Variants in TIGD1 observed in about 807,000 individuals in gnomAD.
TIGD1 encodes tigger transposable element derived 1.
A neutral mutation model predicts 21.3 loss-of-function variants in TIGD1; 20 were observed. The observed-to-expected ratio is 0.94, with a 90% CI of 0.66 to 1.36. The LOEUF is 1.36. TIGD1 is among the 40% of genes most tolerant of loss of function. TIGD1 has a pLI of 0.00. For missense variants in TIGD1, 556 were observed against 350.5 expected (o/e 1.59, Z -4.68); for synonymous variants, 177 against 123.2 (o/e 1.44, Z -2.89).
chr2:232,549,368 A>G lies in TIGD1; in HGVS notation c.515T>C (p.Ile172Thr), dbSNP rs1409714384. 1 of 642,628 alleles carries G rather than the reference A, an allele frequency of 1.6e-6. No individual in the cohort carries two copies. The highest frequency in any genetic ancestry group is 2.8e-6 in the Non-Finnish European group (1 of 359,226). 39.8% of individuals were successfully genotyped at this position (642,628 alleles called of 1,614,324 possible). A position where few individuals can be genotyped will look rare whatever the true frequency, so the allele number is the denominator to read the frequency against. Residue 172 changes from isoleucine (I) to threonine (T), a missense_variant, in exon 1 of 1, where the codon ATC (isoleucine) becomes ACC (threonine). By Grantham distance (89) the Ile-to-Thr change is moderately conservative. Coordinates refer to ENST00000408957, the MANE Select transcript of TIGD1 (RefSeq NM_145702.4). Reference sequence around the variant, plus strand: ...TTTAGTGTAGCCACCTTCGTCAATGATCTTAGCTAAAGCTTCTGGATAACT... The same window carrying G: ...TTTAGTGTAGCCACCTTCGTCAATGGTCTTAGCTAAAGCTTCTGGATAACT... ...AASYPEALAK[I>T]IDEGGYTKQQ... is the part of the protein sequence containing the mutation.
rs750854483 is a variant in TIGD1 at position 232,544,552 on chromosome 2, G to C, written c.*3555C>G. On this transcript the variant is annotated 3_prime_UTR_variant, in exon 1 of 1. Coordinates refer to ENST00000408957, the MANE Select transcript of TIGD1 (RefSeq NM_145702.4). ...TCTTCCAGCAGTGGCAGCGGCAAGG[G>C]CTGGTGGCGGCAGCGCTGGAGAAGC... is the stretch of plus-strand genomic sequence containing the variant. The C allele has an allele frequency of 1.2e-6, 2 of 1,613,656 alleles. No homozygotes were observed. Among genetic ancestry groups the C allele is most frequent in the Non-Finnish European group, 1.7e-6 (2 of 1,179,948 alleles).
chr2:232,547,270 T>C lies in TIGD1; in HGVS notation c.*837A>G, dbSNP rs576700721. On this transcript the variant is annotated 3_prime_UTR_variant, in exon 1 of 1. Coordinates refer to ENST00000408957, the MANE Select transcript of TIGD1 (RefSeq NM_145702.4). ...GGCCTCTACCAAAAAATACAAAACT[T>C]AGCTGGGCGTGGTGATGCATGCCTG... Among the ~76,000 whole-genome samples, 1 of 151,868 alleles carries C rather than the reference T, an allele frequency of 6.6e-6. No homozygotes were observed. Among genetic ancestry groups the C allele is most frequent in the East Asian group, 2.0e-4 (1 of 5,128 alleles).
Position 232,548,131 on chromosome 2 carries a change from T to C in TIGD1, c.1752A>G (p.Val584=), listed in dbSNP as rs1692163530. Residue 584 remains valine, a synonymous_variant, in exon 1 of 1, where the codon GTA becomes GTG. Coordinates refer to ENST00000408957, the MANE Select transcript of TIGD1 (RefSeq NM_145702.4). ...SRQDPPPAKR[V]RLTEGSD ...ATCAATCTGAGCCTTCGGTGAGTCG[T>C]ACTCTTTTTGCTGGTGGAGGGTCTT... 4 of 924,522 alleles carry C rather than the reference T, an allele frequency of 4.3e-6. No homozygotes were observed. The highest frequency in any genetic ancestry group is 6.4e-6 in the Non-Finnish European group (4 of 627,044). 57.3% of individuals were successfully genotyped at this position (924,522 alleles called of 1,614,324 possible).
At position 232,544,495 on chromosome 2, in the gene TIGD1, G is replaced by A; in HGVS notation, c.*3612C>T. 1 of 1,613,858 alleles carries A rather than the reference G, an allele frequency of 6.2e-7. No homozygotes were observed. The stretch of plus-strand genomic sequence containing the variant: ...GATGGTCGATCACAACTGGGGAGGA[G>A]GTGGCCCTCTGCCTGCCTCGCAGTG... On this transcript the variant is annotated 3_prime_UTR_variant, in exon 1 of 1. Coordinates refer to ENST00000408957, the MANE Select transcript of TIGD1 (RefSeq NM_145702.4).
rs1443873507 is a variant in TIGD1 at position 232,550,248 on chromosome 2, G to A, written c.-366C>T. ...CAAACCCTCCATTTGTTTTCAGAAT[G>A]CCCTATCTGCGAAGCGTAATAAAAC... is the stretch of plus-strand genomic sequence containing the variant. On this transcript the variant is annotated 5_prime_UTR_variant, in exon 1 of 1. Coordinates refer to ENST00000408957, the MANE Select transcript of TIGD1 (RefSeq NM_145702.4). The A allele has an allele frequency of 3.5e-6, 1 of 289,612 alleles. No homozygotes were observed. The highest frequency in any genetic ancestry group is 6.8e-6 in the Non-Finnish European group (1 of 147,724). The allele number at this position is 289,612 out of a possible 1,614,324, so 17.9% of individuals were successfully genotyped here.
Position 232,548,995 on chromosome 2 carries a change from T to C in TIGD1, c.888A>G (p.Lys296=), listed in dbSNP as rs907113159. 1 of 699,712 alleles carries C rather than the reference T, an allele frequency of 1.4e-6. No individual in the cohort carries two copies. Among genetic ancestry groups the C allele is most frequent in the Non-Finnish European group, 2.6e-6 (1 of 380,256 alleles). The allele number at this position is 699,712 out of a possible 1,614,324, so 43.3% of individuals were successfully genotyped here. The change falls in exon 1 of 1, where the codon AAA becomes AAG. Residue 296 remains lysine (K), a synonymous_variant. Coordinates refer to ENST00000408957, the MANE Select transcript of TIGD1 (RefSeq NM_145702.4). ...GGGCATTGTCAATGAGCAGTAATAT[T>C]TTGAAAGGAATCTTCTTTTCTGAGC... ...TYCSEKKIPF[K]ILLLIDNAPS...
rs1231751802 is a variant in TIGD1 at position 232,543,977 on chromosome 2, C to G, written c.*4130G>C. 6.6e-6 allele frequency among the ~76,000 whole-genome samples: 1 copy of G among 152,230 alleles called. No homozygotes were observed. Among genetic ancestry groups the G allele is most frequent in the Non-Finnish European group, 1.5e-5 (1 of 68,046 alleles). ...AGGCGCAGAGAGGTTAAGTAACCTGCCCAAGGAAGTGCACTACAAAGTCGA... is the reference window on the plus strand; with the variant it reads ...AGGCGCAGAGAGGTTAAGTAACCTGGCCAAGGAAGTGCACTACAAAGTCGA... On this transcript the variant is annotated 3_prime_UTR_variant, in exon 1 of 1. Transcript: ENST00000408957.
At position 232,548,848 on chromosome 2, in the gene TIGD1, A is replaced by G. The variant is rs1224386551; in HGVS notation, c.1035T>C (p.Tyr345=). 1.1e-5 allele frequency: 7 copies of G among 610,308 alleles called. No individual in the cohort carries two copies. Among genetic ancestry groups the G allele is most frequent in the Admixed American group, 2.2e-5 (1 of 45,914 alleles). 37.8% of individuals were successfully genotyped at this position (610,308 alleles called of 1,614,324 possible). Residue 345 remains tyrosine, a synonymous_variant, in exon 1 of 1, where the codon TAT becomes TAC. Transcript: ENST00000408957. ...CCTTATGAAATGTATTTCTCAAATA[A>G]TAAGACTTGAAGGTCGAAATTACCC... ...DQGVISTFKS[Y]YLRNTFHKAL... is the part of the protein sequence containing the mutation.
At position 232,548,048 on chromosome 2, in the gene TIGD1, A is replaced by C; in HGVS notation, c.*59T>G. On this transcript the variant is annotated 3_prime_UTR_variant, in exon 1 of 1. Transcript: ENST00000408957. The stretch of plus-strand genomic sequence containing the variant: ...CAGCAAGAGTGCAATAGCATTGTCT[A>C]ATAAAACAATATACATACCTAAATT... 1 of 569,460 alleles carries C rather than the reference A, an allele frequency of 1.8e-6. No individual in the cohort carries two copies. The highest frequency in any genetic ancestry group is 1.9e-5 in the African/African-American group (1 of 52,630). The allele number at this position is 569,460 out of a possible 1,614,324, so 35.3% of individuals were successfully genotyped here. A position where few individuals can be genotyped will look rare whatever the true frequency, so the allele number is the denominator to read the frequency against.
At position 232,549,413 on chromosome 2, in the gene TIGD1, GC is replaced by G. The variant is rs1692220531; in HGVS notation, c.469del (p.Ala157LeufsTer3). ...ATAACTTGCTGCAGCTTCTACATCA[GC>G]ACTTGCTGCTTCACCTTGTGCTTTT... ...NIKAQGEAASADVEAAASYPE... is the reference protein window; with the variant it reads ...NIKAQGEAASXDVEAAASYPE... On this transcript the variant is annotated frameshift_variant, in exon 1 of 1. Coordinates refer to ENST00000408957, the MANE Select transcript of TIGD1 (RefSeq NM_145702.4). LOFTEE classifies it high-confidence loss of function. 1.6e-6 allele frequency: 1 copy of G among 641,956 alleles called. No individual in the cohort carries two copies. The highest frequency in any genetic ancestry group is 1.8e-5 in the South Asian group (1 of 54,952). The allele number at this position is 641,956 out of a possible 1,614,324, so 39.8% of individuals were successfully genotyped here.
rs1051576750 is a variant in TIGD1, at chr2:232,550,138, T to C, written c.-256A>G. 15 of 382,020 alleles carry C rather than the reference T, an allele frequency of 3.9e-5. No homozygotes were observed. Among genetic ancestry groups the C allele is most frequent in the Non-Finnish European group, 4.8e-6 (1 of 206,502 alleles). The allele number at this position is 382,020 out of a possible 1,614,324, so 23.7% of individuals were successfully genotyped here. ...AAAAAGTTTTAAATATTTTGAGAAT[T>C]ACCAAAATGTAACACAGAGACACCA... On this transcript the variant is annotated 5_prime_UTR_variant, in exon 1 of 1. Coordinates refer to ENST00000408957, the MANE Select transcript of TIGD1 (RefSeq NM_145702.4).
chr2:232,544,545 G>A lies in TIGD1; in HGVS notation c.*3562C>T, dbSNP rs1030223742. 5 of 1,613,594 alleles carry A rather than the reference G, an allele frequency of 3.1e-6. No homozygotes were observed. The African/African-American group carries it at 4.0e-5, about 13-fold the overall frequency. ...GAACTCCTCTTCCAGCAGTGGCAGC[G>A]GCAAGGGCTGGTGGCGGCAGCGCTG... On this transcript the variant is annotated 3_prime_UTR_variant, in exon 1 of 1. Coordinates refer to ENST00000408957, the MANE Select transcript of TIGD1 (RefSeq NM_145702.4).
chr2:232,544,557 TGGC>T lies in TIGD1; in HGVS notation c.*3547_*3549del. The T allele has an allele frequency of 6.2e-7, 1 of 1,613,302 alleles. No homozygotes were observed. Among genetic ancestry groups the T allele is most frequent in the Middle Eastern group, 1.7e-4 (1 of 5,990 alleles). On this transcript the variant is annotated 3_prime_UTR_variant, in exon 1 of 1. Transcript: ENST00000408957. ...CAGCAGTGGCAGCGGCAAGGGCTGG[TGGC>T]GGCAGCGCTGGAGAAGCTAGGTGAG...
Position 232,544,476 on chromosome 2 carries a change from C to G in TIGD1, c.*3631G>C. On this transcript the variant is annotated 3_prime_UTR_variant, in exon 1 of 1. Coordinates refer to ENST00000408957, the MANE Select transcript of TIGD1 (RefSeq NM_145702.4). ...CTACAGAATGGCTCCTCGGGATGGTCGATCACAACTGGGGAGGAGGTGGCC... is the reference window on the plus strand; with the variant it reads ...CTACAGAATGGCTCCTCGGGATGGTGGATCACAACTGGGGAGGAGGTGGCC... 1 of 1,613,708 alleles carries G rather than the reference C, an allele frequency of 6.2e-7. No homozygotes were observed. Among genetic ancestry groups the G allele is most frequent in the Non-Finnish European group, 8.5e-7 (1 of 1,179,974 alleles).
Position 232,549,718 on chromosome 2 carries a change from T to C in TIGD1, c.165A>G (p.Glu55=), listed in dbSNP as rs1417595468. The C allele has an allele frequency of 2.1e-6, 2 of 957,230 alleles. No homozygotes were observed. Among genetic ancestry groups the C allele is most frequent in the East Asian group, 2.6e-5 (1 of 38,350 alleles). 59.3% of individuals were successfully genotyped at this position (957,230 alleles called of 1,614,324 possible). Residue 55 remains glutamate, a synonymous_variant, in exon 1 of 1, where the codon GAA becomes GAG. Transcript: ENST00000408957. Reference sequence around the variant, plus strand: ...CACTTTTAACTTCCTTCAAGAACTTTTCCTTTGCATTTACAACTTGGCTAA... The same window carrying C: ...CACTTTTAACTTCCTTCAAGAACTTCTCCTTTGCATTTACAACTTGGCTAA... ...QTVSQVVNAK[E]KFLKEVKSAT...
chr2:232,547,247 C>G lies in TIGD1; in HGVS notation c.*860G>C, dbSNP rs1280085932. 6.6e-6 allele frequency among the ~76,000 whole-genome samples: 1 copy of G among 151,926 alleles called. No homozygotes were observed. The highest frequency in any genetic ancestry group is 1.5e-5 in the Non-Finnish European group (1 of 67,976). ...GCCTGGGCAACATGGGGACACCCGGCCTCTACCAAAAAATACAAAACTTAG... is the reference window on the plus strand; with the variant it reads ...GCCTGGGCAACATGGGGACACCCGGGCTCTACCAAAAAATACAAAACTTAG... On this transcript the variant is annotated 3_prime_UTR_variant, in exon 1 of 1. Coordinates refer to ENST00000408957, the MANE Select transcript of TIGD1 (RefSeq NM_145702.4).
Position 232,548,150 on chromosome 2 carries a change from G to A in TIGD1, c.1733C>T (p.Pro578Leu), listed in dbSNP as rs1054419720. ...GAGTCGTACTCTTTTTGCTGGTGGA[G>A]GGTCTTGCCTCGAGGTTGATGGTTG... ...SQQPSTSRQD[P>L]PPAKRVRLTE... Residue 578 changes from proline (P) to leucine (L), a missense_variant, in exon 1 of 1, where the codon CCT becomes CTT. Transcript: ENST00000408957. 6.0e-6 allele frequency: 7 copies of A among 1,168,974 alleles called. No individual in the cohort carries two copies. The African/African-American group carries it at 9.3e-5, about 16-fold the overall frequency. 72.4% of individuals were successfully genotyped at this position (1,168,974 alleles called of 1,614,324 possible). A position where few individuals can be genotyped will look rare whatever the true frequency, so the allele number is the denominator to read the frequency against.
chr2:232,548,759 CAGA>C lies in TIGD1; in HGVS notation c.1121_1123del (p.Phe374del), dbSNP rs1306073708. On this transcript the variant is annotated inframe_deletion, in exon 1 of 1. Coordinates refer to ENST00000408957, the MANE Select transcript of TIGD1 (RefSeq NM_145702.4). ...GGCATCTAAAATGGTGAATCCTTTCCAGAAGGTTTTCAATTTGCTTTGCCCAGA... is the reference window on the plus strand; with the variant it reads ...GGCATCTAAAATGGTGAATCCTTTCCAGGTTTTCAATTTGCTTTGCCCAGA... 1 of 521,930 alleles carries C rather than the reference CAGA, an allele frequency of 1.9e-6. No individual in the cohort carries two copies. Among genetic ancestry groups the C allele is most frequent in the Non-Finnish European group, 3.7e-6 (1 of 272,150 alleles). The allele number at this position is 521,930 out of a possible 1,614,324, so 32.3% of individuals were successfully genotyped here.
rs1692256066 is a variant in TIGD1 at position 232,550,350 on chromosome 2, G to T, written c.-468C>A. On this transcript the variant is annotated 5_prime_UTR_variant, in exon 1 of 1. Transcript: ENST00000408957. The stretch of plus-strand genomic sequence containing the variant: ...GAGGTCAAAAGAGATACCAGAGAGT[G>T]CGTCCCGCACTGGAGGAAGAGGAAG... 2.5e-6 allele frequency: 1 copy of T among 400,718 alleles called. No homozygotes were observed. The highest frequency in any genetic ancestry group is 4.6e-5 in the Admixed American group (1 of 21,554). 24.8% of individuals were successfully genotyped at this position (400,718 alleles called of 1,614,324 possible).
Sources: gnomAD v4.1 joint callset for allele counts (sites outside exome capture counted in the v4.1 genomes callset) on GRCh38, gnomAD v4.1.1 for gene constraint, MANE v1.5 for transcripts, NCBI Gene and HGNC (gene_info 2026-07-23, HGNC 2026-07-21) for gene names.